The following AFG2A variants were observed in gnomAD, a reference collection of about 807,000 sequenced individuals.
AFG2A encodes ATPase family gene 2 protein homolog A.
At chr4:123,121,521 C>CTTATACATTATT in the AFG2A span, among the ~76,000 whole-genome samples, 1 of 152,146 alleles carries the variant, frequency 6.6e-6, no homozygotes, top group Non-Finnish European at 1.5e-5. Flanking sequence ...TTTTTAATCT[C>CTTATACATTATT]TTATACATTA....
the AFG2A span, among the ~76,000 whole-genome samples, chr4:123,135,824 G>C: frequency 2.0e-5 from 3 of 152,100 alleles, no homozygotes; most frequent in African/African-American, 2.4e-5. Context: ...CATAGATACT[G>C]AGGGACAGCT....
At chr4:123,002,665 G>A in the AFG2A span, among the ~76,000 whole-genome samples, 532 of 152,230 alleles carry the variant, frequency 3.5e-3, 10 homozygotes, top group Non-Finnish European at 6.9e-4. Context: ...AGTTTCTGCC[G>A]AGAGATCCGC....
chr4:123,180,103 C>G, the AFG2A span, among the ~76,000 whole-genome samples: 1 of 151,960 alleles, frequency 6.6e-6, no homozygotes, highest in Non-Finnish European at 1.5e-5. Flanking sequence ...GCCTGTAATC[C>G]CAGCTACTCG....
the AFG2A span, among the ~76,000 whole-genome samples, chr4:123,058,454 G>A: frequency 1.8e-3 from 271 of 152,256 alleles, 1 homozygote; most frequent in Non-Finnish European, 3.0e-3. Context: ...GTGAAACGCT[G>A]TCTCTACTAA....
At chr4:122,997,128 C>G in the AFG2A span, among the ~76,000 whole-genome samples, 1 of 152,176 alleles carries the variant, frequency 6.6e-6, no homozygotes, top group Non-Finnish European at 1.5e-5. Context: ...TTAGCCATCA[C>G]ACCAAATGTT....
chr4:123,102,798 CTGTGTGTGTGTGTGTG>C, the AFG2A span, among the ~76,000 whole-genome samples: 3 of 141,156 alleles, frequency 2.1e-5, no homozygotes, highest in Non-Finnish European at 4.6e-5. Context: ...TCCTGGCATT[CTGTGTGTGTGTGTGTG>C]TGTGTGTGTG....
At chr4:122,955,117 A>G in the AFG2A span, among the ~76,000 whole-genome samples, 1 of 152,340 alleles carries the variant, frequency 6.6e-6, no homozygotes, top group East Asian at 1.9e-4. Flanking sequence ...GCTAGCAAAC[A>G]AGACATAGGG....
the AFG2A span, among the ~76,000 whole-genome samples, chr4:123,139,252 C>G: frequency 6.6e-6 from 1 of 152,198 alleles, no homozygotes; most frequent in South Asian, 2.1e-4. Flanking sequence ...CTGTAGCAAT[C>G]ACTGTCTTGT....
chr4:122,969,110 TA>T, the AFG2A span, among the ~76,000 whole-genome samples: 1 of 151,536 alleles, frequency 6.6e-6, no homozygotes, highest in South Asian at 2.1e-4. Context: ...AGAAAGTTTA[TA>T]ATTATATATT....
chr4:123,241,871 A>T, the AFG2A span, among the ~76,000 whole-genome samples: 1 of 152,204 alleles, frequency 6.6e-6, no homozygotes, highest in Non-Finnish European at 1.5e-5. Context: ...ATGATTGTAT[A>T]TTTAAAAACC....
At chr4:123,084,602 G>A in the AFG2A span, among the ~76,000 whole-genome samples, 9 of 147,520 alleles carry the variant, frequency 6.1e-5, no homozygotes, top group South Asian at 2.1e-4. Context: ...GTGTGTGTGT[G>A]TGTGTGTGTG....
the AFG2A span, among the ~76,000 whole-genome samples, chr4:123,154,724 A>G: frequency 1.3e-5 from 2 of 152,194 alleles, no homozygotes; most frequent in Non-Finnish European, 2.9e-5. Context: ...AAGGAAGGTT[A>G]TGGGATGGAT....
chr4:123,193,431 A>T, the AFG2A span, among the ~76,000 whole-genome samples: 2 of 152,262 alleles, frequency 1.3e-5, no homozygotes, highest in African/African-American at 4.8e-5. Flanking sequence ...ATTGAATATA[A>T]GATTGCAGAT....
chr4:122,944,385 G>C, the AFG2A span, among the ~76,000 whole-genome samples: 357 of 152,096 alleles, frequency 2.3e-3, no homozygotes, highest in African/African-American at 4.9e-3. Context: ...TTTCATTCAT[G>C]TCATCTTCCA....
the AFG2A span, among the ~76,000 whole-genome samples, chr4:123,077,282 C>T: frequency 2.0e-5 from 3 of 151,946 alleles, no homozygotes; most frequent in Admixed American, 6.6e-5. Context: ...CTCCTGACCT[C>T]GTGATCTGCC....
the AFG2A span, among the ~76,000 whole-genome samples, chr4:123,075,444 G>A: frequency 2.6e-5 from 4 of 151,716 alleles, no homozygotes; most frequent in African/African-American, 7.3e-5. Context: ...GATTACAGGC[G>A]CCTGCCACCA....
chr4:123,028,397 T>C, the AFG2A span: 2 of 1,613,666 alleles, frequency 1.2e-6, no homozygotes, highest in African/African-American at 1.3e-5. Flanking sequence ...GCTATAAAGG[T>C]AGGGTGTTAA....
chr4:122,927,702 G>A, the AFG2A span: 5 of 1,613,194 alleles, frequency 3.1e-6, no homozygotes, highest in Non-Finnish European at 4.2e-6. Flanking sequence ...TATGAAGTCT[G>A]CAAATATATG....
the AFG2A span, among the ~76,000 whole-genome samples, chr4:123,294,472 C>G: frequency 6.6e-6 from 1 of 152,146 alleles, no homozygotes; most frequent in Non-Finnish European, 1.5e-5. Flanking sequence ...CCCATCTAGA[C>G]AGGATTGTAA....
Sources: allele counts gnomAD v4.1 joint callset (sites outside exome capture counted in the v4.1 genomes callset), GRCh38; gene constraint gnomAD v4.1.1; transcripts MANE v1.5; gene names NCBI Gene and HGNC (gene_info 2026-07-23, HGNC 2026-07-21).